Variants in PCDH11Y observed in about 807,000 individuals in gnomAD.
PCDH11Y encodes protocadherin 11 Y-linked, also known as protocadherin-11 Y-linked.
For synonymous variants in PCDH11Y, 9 were observed against 83.6 expected (o/e 0.11, Z 4.87); for missense variants, 12 against 224.8 (o/e 0.05, Z 6.05).
At chrY:5,326,804 A>C (rs1602904904) in intron 2 of PCDH11Y, among the ~76,000 whole-genome samples, 1 of 32,937 alleles carries the variant, frequency 3.0e-5, no homozygotes, top group African/African-American at 1.2e-4. Context: ...GTTATGAGAA[A>C]TGTAGAGAGT....
chrY:5,310,875 T>C, intron 2 of PCDH11Y, among the ~76,000 whole-genome samples: 1 of 33,116 alleles, frequency 3.0e-5, no homozygotes, highest in Admixed American at 2.8e-4. Context: ...TAAATATTGA[T>C]ATGAAATTAC....
intron 2 of PCDH11Y, among the ~76,000 whole-genome samples, chrY:5,123,315 C>G: frequency 3.0e-5 from 1 of 33,502 alleles, no homozygotes; most frequent in African/African-American, 1.2e-4. Context: ...ACTTGATAAG[C>G]ATTATGCCCC....
At chrY:5,216,394 T>C in intron 2 of PCDH11Y, among the ~76,000 whole-genome samples, 1 of 31,741 alleles carries the variant, frequency 3.2e-5, no homozygotes, top group Non-Finnish European at 7.7e-5. Context: ...TTTTTGCATG[T>C]CAAGAAATTT....
intron 2 of PCDH11Y, among the ~76,000 whole-genome samples, chrY:5,421,722 A>C: frequency 3.7e-5 from 1 of 26,841 alleles, no homozygotes; most frequent in Admixed American, 3.6e-4. Context: ...ATAAGCAACA[A>C]CCTAGAATAG....
intron 2 of PCDH11Y, among the ~76,000 whole-genome samples, chrY:5,226,202 G>A: frequency 3.6e-5 from 1 of 28,014 alleles, no homozygotes; most frequent in East Asian, 9.6e-4. Context: ...GTAGAGATGG[G>A]GTTTCTCCAT....
At chrY:5,435,448 G>C (rs2053273896) in intron 2 of PCDH11Y, among the ~76,000 whole-genome samples, 1 of 30,314 alleles carries the variant, frequency 3.3e-5, no homozygotes, top group Admixed American at 3.0e-4. Flanking sequence ...CGAGTAACTG[G>C]AACTACAGGC....
chrY:5,035,235 T>TA (rs2052597565), intron 3 of PCDH11Y, among the ~76,000 whole-genome samples: 16 of 28,671 alleles, frequency 5.6e-4, no homozygotes, highest in Non-Finnish European at 8.4e-4. Context: ...TGCTTTGTTT[T>TA]AAAAAAAAAA....
At chrY:5,229,560 C>T (rs35429513) in intron 2 of PCDH11Y, among the ~76,000 whole-genome samples, 1 of 31,569 alleles carries the variant, frequency 3.2e-5, no homozygotes, top group Non-Finnish European at 7.6e-5. Context: ...GTGATCCTCC[C>T]GTCTCAGCCT....
At chrY:5,383,199 T>C in intron 2 of PCDH11Y, among the ~76,000 whole-genome samples, 1 of 31,941 alleles carries the variant, frequency 3.1e-5, no homozygotes, top group Non-Finnish European at 7.6e-5. Context: ...AGCAAGACTC[T>C]TTCTAGAAAC....
intron 2 of PCDH11Y, among the ~76,000 whole-genome samples, chrY:5,368,201 C>T: frequency 9.0e-5 from 3 of 33,460 alleles, no homozygotes; most frequent in Non-Finnish European, 1.5e-4. Flanking sequence ...GAAAATATCT[C>T]CAGGCCATGT....
At chrY:5,143,749 G>A (rs2052853465) in intron 2 of PCDH11Y, among the ~76,000 whole-genome samples, 1 of 33,123 alleles carries the variant, frequency 3.0e-5, no homozygotes, top group African/African-American at 1.2e-4. Flanking sequence ...CCACAGCTCA[G>A]GGATAATGGG....
chrY:5,277,562 G>A, intron 2 of PCDH11Y, among the ~76,000 whole-genome samples: 1 of 33,174 alleles, frequency 3.0e-5, no homozygotes, highest in Non-Finnish European at 7.4e-5. Context: ...TCCTCAGTAC[G>A]AAAAAAGATC....
chrY:5,215,701 C>T (rs2052945015), intron 2 of PCDH11Y, among the ~76,000 whole-genome samples: 2 of 29,300 alleles, frequency 6.8e-5, no homozygotes, highest in Non-Finnish European at 1.6e-4. Flanking sequence ...CAACCTGAAG[C>T]GGGGGCTGGG....
intron 4 of PCDH11Y, among the ~76,000 whole-genome samples, chrY:5,683,601 C>T (rs2053560556): frequency 3.0e-5 from 1 of 33,668 alleles, no homozygotes; most frequent in African/African-American, 1.2e-4. Flanking sequence ...ACAGTATGTA[C>T]TTGTACAAAA....
chrY:5,456,598 G>A (rs2053298538), intron 2 of PCDH11Y, among the ~76,000 whole-genome samples: 1 of 33,700 alleles, frequency 3.0e-5, no homozygotes, highest in Non-Finnish European at 7.4e-5. Flanking sequence ...CAGTGGATTG[G>A]TTAAAGAAAA....
At chrY:5,200,677 C>G (rs2052925746) in intron 2 of PCDH11Y, among the ~76,000 whole-genome samples, 29 of 32,883 alleles carry the variant, frequency 8.8e-4, no homozygotes, top group African/African-American at 3.5e-3. Context: ...GCCTCAACCT[C>G]CCAGGCTCAA....
intron 3 of PCDH11Y, among the ~76,000 whole-genome samples, chrY:5,521,885 T>C: frequency 3.0e-5 from 1 of 33,801 alleles, no homozygotes; most frequent in Non-Finnish European, 7.3e-5. Context: ...TATTTTATTT[T>C]TTGAGACGGA....
At chrY:5,048,411 G>C in intron 3 of PCDH11Y, among the ~76,000 whole-genome samples, 2 of 32,710 alleles carry the variant, frequency 6.1e-5, no homozygotes, top group East Asian at 8.2e-4. Context: ...CCTCTGGGTA[G>C]TTACCCAGTA....
At chrY:5,667,624 G>A (rs2053545902) in intron 4 of PCDH11Y, among the ~76,000 whole-genome samples, 1 of 32,337 alleles carries the variant, frequency 3.1e-5, no homozygotes, top group Non-Finnish European at 7.5e-5. Flanking sequence ...CAGACTCCTG[G>A]GCTCAAGCAA....
Sources: gnomAD v4.1 joint callset for allele counts (sites outside exome capture counted in the v4.1 genomes callset) on GRCh38, gnomAD v4.1.1 for gene constraint, MANE v1.5 for transcripts, NCBI Gene and HGNC (gene_info 2026-07-23, HGNC 2026-07-21) for gene names.